The following KCNT1 variants were observed in gnomAD, a reference collection of about 807,000 sequenced individuals.
The protein encoded by KCNT1 is potassium channel subfamily T member 1.
In KCNT1, 78 loss-of-function variants were observed where a neutral mutation model predicts 147.8. That is an observed-to-expected ratio of 0.53 (90% CI 0.44 to 0.64). The LOEUF (loss-of-function observed/expected upper bound fraction) is 0.64. Ranked by LOEUF, KCNT1 falls within the 30% of genes least tolerant of loss-of-function variation. The pLI is 0.00. For missense variants in KCNT1, 1,419 were observed against 1,750.3 expected (o/e 0.81, Z 3.38); for synonymous variants, 867 against 748.8 (o/e 1.16, Z -2.58).
chr9:135,787,084 A>AG (rs968092686), intron 29 of KCNT1, among the ~76,000 whole-genome samples: 23 of 152,144 alleles, frequency 1.5e-4, no homozygotes, highest in Middle Eastern at 3.4e-3. Context: ...CAGCCAGGGT[A>AG]GGGGGGAGAC....
intron 2 of KCNT1, among the ~76,000 whole-genome samples, chr9:135,749,263 G>C (rs1394095697): frequency 6.6e-6 from 1 of 152,210 alleles, no homozygotes; most frequent in Non-Finnish European, 1.5e-5. Flanking sequence ...GCCAGCCTGG[G>C]TCATGCAGGT....
chr9:135,786,185 TGCCC>T lies in KCNT1; in HGVS notation c.3178-11_3178-8del, dbSNP rs2131581252. 7.9e-7 allele frequency: 1 copy of T among 1,267,016 alleles called. No individual in the cohort carries two copies. The highest frequency in any genetic ancestry group is 1.1e-6 in the Non-Finnish European group (1 of 880,480). The allele number at this position is 1,267,016 out of a possible 1,614,324, so 78.5% of individuals were successfully genotyped here. On this transcript the variant is annotated splice_region_variant and splice_polypyrimidine_tract_variant and intron_variant, in intron 28 of 30. Coordinates refer to ENST00000371757, the MANE Select transcript of KCNT1 (RefSeq NM_020822.3). ...CACCCCTCCCCGCCCTGCCCTGCCC[TGCCC>T]TGCCCAGTCCCAGATCTCGGTGAAC... is the stretch of plus-strand genomic sequence containing the variant.
At chr9:135,724,213 G>A (rs998256845) in intron 2 of KCNT1, among the ~76,000 whole-genome samples, 1 of 152,230 alleles carries the variant, frequency 6.6e-6, no homozygotes, top group Non-Finnish European at 1.5e-5. Flanking sequence ...CCTCAACTTT[G>A]TGTCCTCCCC....
intron 28 of KCNT1, 105 bp downstream of exon 28, chr9:135,785,435 C>T: frequency 6.9e-7 from 1 of 1,445,406 alleles, no homozygotes; most frequent in Non-Finnish European, 9.4e-7. Context: ...ACCCACAGGG[C>T]CCTGGGAAAG....
chr9:135,748,220 C>A (rs1367973525), intron 2 of KCNT1, among the ~76,000 whole-genome samples: 1 of 152,290 alleles, frequency 6.6e-6, no homozygotes, highest in East Asian at 1.9e-4. Context: ...GGGCACGAGC[C>A]ACTGTGACCG....
At chr9:135,763,308 G>C (rs2131466696) in intron 11 of KCNT1, among the ~76,000 whole-genome samples, 1 of 152,326 alleles carries the variant, frequency 6.6e-6, no homozygotes, top group African/African-American at 2.4e-5. Context: ...CCTTGCCCTT[G>C]GTCTCCACTG....
chr9:135,760,664 C>T (rs143791493), intron 11 of KCNT1, among the ~76,000 whole-genome samples: 3 of 152,170 alleles, frequency 2.0e-5, no homozygotes, highest in African/African-American at 4.8e-5. Context: ...TGGGCGTGGC[C>T]CAGGTATGGG....
Position 135,792,384 on chromosome 9 carries a change from T to G in KCNT1, c.*223T>G, listed in dbSNP as rs1834606101. On this transcript the variant is annotated 3_prime_UTR_variant, in exon 31 of 31. Coordinates refer to ENST00000371757, the MANE Select transcript of KCNT1 (RefSeq NM_020822.3). ...GTGAGGAGAGTTTTTTAACCTATTTTTACACGTCGATGCAGTCCACTTCTC... is the reference window on the plus strand; with the variant it reads ...GTGAGGAGAGTTTTTTAACCTATTTGTACACGTCGATGCAGTCCACTTCTC... 4.0e-6 allele frequency: 2 copies of G among 501,416 alleles called. 1 individual carries two copies. The highest frequency in any genetic ancestry group is 7.3e-5 in the East Asian group (2 of 27,250). The allele number at this position is 501,416 out of a possible 1,614,324, so 31.1% of individuals were successfully genotyped here. A position where few individuals can be genotyped will look rare whatever the true frequency, so the allele number is the denominator to read the frequency against.
At chr9:135,743,232 C>T (rs983733358) in intron 2 of KCNT1, among the ~76,000 whole-genome samples, 2 of 152,142 alleles carry the variant, frequency 1.3e-5, no homozygotes, top group African/African-American at 4.8e-5. Flanking sequence ...GTGCCACTCC[C>T]CACTGAGCCG....
At position 135,759,301 on chromosome 9, in the gene KCNT1, C is replaced by T. The variant is rs1588329638; in HGVS notation, c.855-378C>T. Among the ~76,000 whole-genome samples, 3 of 152,194 alleles carry T rather than the reference C, an allele frequency of 2.0e-5. No homozygotes were observed. The South Asian group carries it at 6.2e-4, about 31-fold the overall frequency. On this transcript the variant is annotated intron_variant, in intron 10 of 30. Transcript: ENST00000371757. The stretch of plus-strand genomic sequence containing the variant: ...GTAGAGGGCCAGACCCCAGGCCCAC[C>T]CCTGTGTCACCCAAGCCCACGCTGA...
intron 2 of KCNT1, among the ~76,000 whole-genome samples, chr9:135,745,763 G>A (rs1019618934): frequency 9.2e-5 from 14 of 152,230 alleles, no homozygotes; most frequent in African/African-American, 2.7e-4. Flanking sequence ...GGGAACAGCC[G>A]GGCAGAGGAG....
At chr9:135,731,613 CGT>C (rs1836434629) in intron 2 of KCNT1, among the ~76,000 whole-genome samples, 1 of 152,094 alleles carries the variant, frequency 6.6e-6, no homozygotes, top group Non-Finnish European at 1.5e-5. Flanking sequence ...CGTTCCTTTG[CGT>C]TGGAGGACAT....
intron 4 of KCNT1, 155 bp from the exon 5 acceptor site, chr9:135,753,782 G>A: frequency 1.4e-6 from 1 of 706,714 alleles, no homozygotes; most frequent in Non-Finnish European, 2.5e-6. Flanking sequence ...AGGCTGCCTT[G>A]TCTCCCAGGT....
intron 3 of KCNT1, 26 bp downstream of exon 3, chr9:135,750,203 T>C (rs1303681963): frequency 6.3e-7 from 1 of 1,588,276 alleles, no homozygotes; most frequent in Non-Finnish European, 8.6e-7. Context: ...GGAGGGCCAC[T>C]CCCAGGCAGG....
chr9:135,719,513 A>G (rs1285720041), intron 2 of KCNT1, among the ~76,000 whole-genome samples: 1 of 152,174 alleles, frequency 6.6e-6, no homozygotes, highest in East Asian at 1.9e-4. Flanking sequence ...GATTCCAGAC[A>G]AGGAGTCCCA....
intron 2 of KCNT1, among the ~76,000 whole-genome samples, chr9:135,740,816 C>T (rs1179892891): frequency 1.3e-5 from 2 of 152,244 alleles, no homozygotes; most frequent in Non-Finnish European, 2.9e-5. Flanking sequence ...AGGCCACCAA[C>T]CGCTGGGACA....
chr9:135,774,039 G>T (rs1309262969), intron 19 of KCNT1, among the ~76,000 whole-genome samples: 1 of 151,980 alleles, frequency 6.6e-6, no homozygotes, highest in Non-Finnish European at 1.5e-5. Context: ...TGTCCGGTGT[G>T]TGTGTGTGGT....
chr9:135,762,084 C>T (rs745435914), intron 11 of KCNT1, among the ~76,000 whole-genome samples: 10 of 152,380 alleles, frequency 6.6e-5, no homozygotes, highest in African/African-American at 2.2e-4. Context: ...GCCTCCGGGC[C>T]GGGGCTGCCT....
At chr9:135,783,811 T>C (rs530295120) in intron 24 of KCNT1, among the ~76,000 whole-genome samples, 31 of 152,346 alleles carry the variant, frequency 2.0e-4, no homozygotes, top group Non-Finnish European at 1.2e-4. Flanking sequence ...GCCCTGAGTG[T>C]GTCTGGGAAG....
Sources: gnomAD v4.1 joint callset for allele counts (sites outside exome capture counted in the v4.1 genomes callset) on GRCh38, gnomAD v4.1.1 for gene constraint, MANE v1.5 for transcripts, NCBI Gene and HGNC (gene_info 2026-07-23, HGNC 2026-07-21) for gene names.